Variants in MAD1L1 observed in about 807,000 individuals in gnomAD.
MAD1L1 encodes the protein mitotic arrest deficient 1 like 1.
MAD1L1 carries 95 observed loss-of-function variants against 96.9 expected under a neutral mutation model. The observed-to-expected ratio is 0.98, with a 90% CI of 0.83 to 1.16. The LOEUF is 1.16. Among genes scored for constraint, MAD1L1 ranks in the 50% most tolerant of loss-of-function variants. MAD1L1 has a pLI of 0.00. For synonymous variants in MAD1L1, 473 were observed against 396.6 expected (o/e 1.19, Z -2.29); for missense variants, 1,007 against 954.4 (o/e 1.06, Z -0.73).
intron 17 of MAD1L1, among the ~76,000 whole-genome samples, chr7:1,912,932 T>C (rs990040883): frequency 4.0e-5 from 6 of 151,706 alleles, no homozygotes; most frequent in African/African-American, 1.2e-4. Context: ...CTCCGGCCGC[T>C]TTGCATGCCG....
At chr7:1,848,409 G>A (rs1294129183) in intron 18 of MAD1L1, 1 of 153,534 alleles carries the variant, frequency 6.5e-6, no homozygotes, top group South Asian at 2.1e-4. Flanking sequence ...GAATACTGGT[G>A]GAAATGCCGG....
chr7:1,943,145 G>C (rs1013897659), intron 16 of MAD1L1, among the ~76,000 whole-genome samples: 2 of 152,204 alleles, frequency 1.3e-5, no homozygotes, highest in African/African-American at 2.4e-5. Context: ...CAAGACCCAC[G>C]CAAAGCCCAA....
chr7:1,943,993 C>T (rs1583872651), intron 16 of MAD1L1, among the ~76,000 whole-genome samples: 1 of 152,198 alleles, frequency 6.6e-6, no homozygotes, highest in East Asian at 1.9e-4. Flanking sequence ...ACACCACCGA[C>T]ACCTATGACC....
At chr7:2,017,267 G>A (rs527605806) in intron 12 of MAD1L1, among the ~76,000 whole-genome samples, 1 of 152,298 alleles carries the variant, frequency 6.6e-6, no homozygotes, top group Admixed American at 6.5e-5. Flanking sequence ...ACAAACAGGC[G>A]GCTGGCAGTG....
chr7:2,156,544 G>A (rs911173162), intron 10 of MAD1L1, among the ~76,000 whole-genome samples: 1 of 152,354 alleles, frequency 6.6e-6, no homozygotes, highest in African/African-American at 2.4e-5. Context: ...GAGGCTGGGC[G>A]CGCAGTGGCT....
At chr7:1,845,194 G>C (rs11764040) in intron 18 of MAD1L1, 40,342 of 152,290 alleles carry the variant, frequency 0.26, 5,369 homozygotes, top group South Asian at 0.37. Context: ...GGCTCAGGGT[G>C]GGGAGACGCA....
At chr7:1,841,284 G>A (rs1252014013) in intron 18 of MAD1L1, among the ~76,000 whole-genome samples, 1 of 152,224 alleles carries the variant, frequency 6.6e-6, no homozygotes, top group East Asian at 1.9e-4. Context: ...GGGGGGCGAG[G>A]ACAGCTCTTG....
At chr7:2,095,649 G>A (rs1261855993) in intron 11 of MAD1L1, among the ~76,000 whole-genome samples, 4 of 152,304 alleles carry the variant, frequency 2.6e-5, no homozygotes, top group South Asian at 2.1e-4. Context: ...AGGGTGGGGC[G>A]AGGCAGCACT....
At chr7:1,859,730 C>A (rs538480666) in intron 18 of MAD1L1, among the ~76,000 whole-genome samples, 1 of 152,124 alleles carries the variant, frequency 6.6e-6, no homozygotes, top group Non-Finnish European at 1.5e-5. Context: ...GTTCCCTAGA[C>A]GTGACATCCT....
intron 18 of MAD1L1, among the ~76,000 whole-genome samples, chr7:1,830,793 TA>T (rs1256775148): frequency 6.6e-6 from 1 of 151,888 alleles, no homozygotes; most frequent in Non-Finnish European, 1.5e-5. Context: ...CATGAACTTG[TA>T]AAAAATTCAA....
chr7:1,928,264 TC>T (rs886800537), intron 17 of MAD1L1, among the ~76,000 whole-genome samples: 3 of 129,352 alleles, frequency 2.3e-5, no homozygotes, highest in African/African-American at 9.2e-5. Flanking sequence ...CACCCGCCAG[TC>T]CCTAGAGGAG....
chr7:2,195,003 G>A (rs1405654268), intron 10 of MAD1L1, among the ~76,000 whole-genome samples: 3 of 151,772 alleles, frequency 2.0e-5, no homozygotes, highest in Admixed American at 2.0e-4. Flanking sequence ...CAGGAGAATC[G>A]CTTGAACCTG....
At chr7:2,005,800 C>CA in intron 13 of MAD1L1, among the ~76,000 whole-genome samples, 1 of 150,746 alleles carries the variant, frequency 6.6e-6, no homozygotes, top group Admixed American at 6.6e-5. Context: ...GACCCTGTGT[C>CA]AAAAAAACAA....
chr7:1,978,842 C>T (rs993670602), intron 15 of MAD1L1, among the ~76,000 whole-genome samples: 2 of 152,126 alleles, frequency 1.3e-5, no homozygotes, highest in African/African-American at 4.8e-5. Context: ...CATGCTCGGC[C>T]CTAAGGACGC....
intron 18 of MAD1L1, among the ~76,000 whole-genome samples, chr7:1,822,442 A>ATATATATTTT (rs768089526): frequency 1.4e-5 from 2 of 140,586 alleles, no homozygotes; most frequent in Admixed American, 7.2e-5. Flanking sequence ...ATATATATAT[A>ATATATATTTT]TTTTTTTTTT....
intron 12 of MAD1L1, among the ~76,000 whole-genome samples, chr7:2,022,231 G>A (rs981436689): frequency 2.6e-5 from 4 of 152,214 alleles, no homozygotes; most frequent in South Asian, 2.1e-4. Flanking sequence ...CAGGTGGCAC[G>A]GGAGGCAAGG....
At chr7:2,061,805 A>G (rs1418386866) in intron 12 of MAD1L1, among the ~76,000 whole-genome samples, 1 of 152,270 alleles carries the variant, frequency 6.6e-6, no homozygotes, top group Non-Finnish European at 1.5e-5. Context: ...ATTTTTATAC[A>G]ATGGAAAACT....
chr7:1,856,599 G>A (rs1784266343), intron 18 of MAD1L1, among the ~76,000 whole-genome samples: 1 of 152,244 alleles, frequency 6.6e-6, no homozygotes, highest in South Asian at 2.1e-4. Flanking sequence ...TGTGTGAGCA[G>A]AGATAAGATT....
At chr7:2,118,690 C>T (rs1787834458) in intron 11 of MAD1L1, among the ~76,000 whole-genome samples, 1 of 152,196 alleles carries the variant, frequency 6.6e-6, no homozygotes, top group East Asian at 1.9e-4. Context: ...GCTGCCCACA[C>T]ACTGCCTCCA....
Sources: gnomAD v4.1 joint callset for allele counts (sites outside exome capture counted in the v4.1 genomes callset) on GRCh38, gnomAD v4.1.1 for gene constraint, MANE v1.5 for transcripts, NCBI Gene and HGNC (gene_info 2026-07-23, HGNC 2026-07-21) for gene names.